EIF4G1: variants seen among roughly 807,000 people sequenced by gnomAD.
The protein encoded by EIF4G1 is eukaryotic translation initiation factor 4 gamma 1, also known as EIF4-gamma.
A neutral mutation model predicts 187.8 loss-of-function variants in EIF4G1; 4 were observed. The observed-to-expected ratio is 0.02, with a 90% CI of 0.01 to 0.05. The LOEUF (loss-of-function observed/expected upper bound fraction) is 0.05. Ranked by LOEUF, EIF4G1 falls within the 10% of genes least tolerant of loss-of-function variation. The pLI is 1.00. For synonymous variants in EIF4G1, 844 were observed against 781.4 expected (o/e 1.08, Z -1.34); for missense variants, 1,647 against 2,081.1 (o/e 0.79, Z 4.06).
In EIF4G1 at chr3:184,322,031, C is replaced by G. The variant is rs777116619; in HGVS notation, c.1447C>G (p.Leu483Val). 21 of 1,614,130 alleles carry G rather than the reference C, an allele frequency of 1.3e-5. No homozygotes were observed. The South Asian group carries it at 2.3e-4, about 18-fold the overall frequency. ...EAESEKGGEE[L>V]LPPESTPIPA... The stretch of plus-strand genomic sequence containing the variant: ...TGAGAGTGAGAAAGGAGGAGAGGAA[C>G]TGCTCCCCCCAGAGAGTACCCCTAT... Residue 483 changes from leucine (L) to valine (V), a missense_variant, in exon 10 of 33, where the codon CTG (leucine) becomes GTG (valine). Leu to Val is a conservative substitution (Grantham distance 32). This residue lies in a region of EIF4G1 where 522 missense variants were observed against 485.2 expected (regional missense o/e 1.08). Transcript: ENST00000346169.
rs754389387 is a variant in EIF4G1, at chr3:184,324,365, A to G, written c.2619+18A>G. ...CTGCTACGGTGAGAGAAAACCCACTATCGATTCCACTCACCACTTACCTCC... is the reference window on the plus strand; with the variant it reads ...CTGCTACGGTGAGAGAAAACCCACTGTCGATTCCACTCACCACTTACCTCC... On this transcript the variant is annotated intron_variant, in intron 17 of 32. Transcript: ENST00000346169. 15 of 1,614,030 alleles carry G rather than the reference A, an allele frequency of 9.3e-6. No homozygotes were observed. Among genetic ancestry groups the G allele is most frequent in the East Asian group, 2.2e-5 (1 of 44,900 alleles).
intron 32 of EIF4G1, among the ~76,000 whole-genome samples, chr3:184,332,949 A>G (rs933611018): frequency 6.6e-6 from 1 of 152,202 alleles, no homozygotes; most frequent in East Asian, 1.9e-4. Context: ...GTGGGATTTT[A>G]AGCAAGGAAT....
At position 184,319,613 on chromosome 3, in the gene EIF4G1, G is replaced by A; in HGVS notation, c.425-76G>A. 3.1e-6 allele frequency: 3 copies of A among 969,580 alleles called. No homozygotes were observed. The South Asian group carries it at 4.1e-5, about 13-fold the overall frequency. 60.1% of individuals were successfully genotyped at this position (969,580 alleles called of 1,614,324 possible). On this transcript the variant is annotated intron_variant, in intron 6 of 32. Transcript: ENST00000346169. ...TGGGTGGTGAGAGGTTTTGGGGTGG[G>A]AGGTGTCAGGCAGGCATTAGTATAT...
At chr3:184,328,040 C>A in intron 26 of EIF4G1, 38 bp downstream of exon 26, 1 of 1,596,120 alleles carries the variant, frequency 6.3e-7, no homozygotes, top group South Asian at 1.1e-5. Context: ...CTTATACAGA[C>A]CCACAATTTT....
At chr3:184,315,959 C>T (rs1722701399) in intron 3 of EIF4G1, 103 bp downstream of exon 3, 1 of 1,508,212 alleles carries the variant, frequency 6.6e-7, no homozygotes, top group Admixed American at 2.1e-5. Context: ...AGTGCAGCCG[C>T]CTGCTGCCAA....
intron 21 of EIF4G1, among the ~76,000 whole-genome samples, 197 bp from the exon 22 acceptor site, chr3:184,326,330 T>G (rs1294576120): frequency 6.6e-6 from 1 of 152,234 alleles, no homozygotes; most frequent in Non-Finnish European, 1.5e-5. Flanking sequence ...AGTCACAGCA[T>G]GCCTTTATCA....
intron 6 of EIF4G1, 99 bp from the exon 7 acceptor site, chr3:184,319,590 G>C: frequency 1.2e-6 from 1 of 801,304 alleles, no homozygotes; most frequent in Non-Finnish European, 2.2e-6. Context: ...GCCGGCTGTG[G>C]GTGGTGAGAG....
chr3:184,320,221 G>A, intron 7 of EIF4G1: 1 of 1,196,120 alleles, frequency 8.4e-7, no homozygotes, highest in Non-Finnish European at 1.1e-6. Context: ...GCCAGAGCTG[G>A]GGAAGCCGCT....
At chr3:184,328,436 A>G (rs1203829950) in intron 26 of EIF4G1, 195 bp from the exon 27 acceptor site, 1 of 790,210 alleles carries the variant, frequency 1.3e-6, no homozygotes, top group African/African-American at 1.7e-5. Flanking sequence ...CATCCTGGTC[A>G]GCATAACTTT....
In EIF4G1 at chr3:184,323,423, C is replaced by T. The variant is rs758438232; in HGVS notation, c.2104C>T (p.Arg702Trp). The T allele has an allele frequency of 5.6e-6, 9 of 1,614,214 alleles. No individual in the cohort carries two copies. Among genetic ancestry groups the T allele is most frequent in the African/African-American group, 2.7e-5 (2 of 75,052 alleles). Reference sequence around the variant, plus strand: ...TGCTTAGCAGGCTGGCCTGGGACCCCGGCGCTCTCAGCAGGGACCCCGAAA... The same window carrying T: ...TGCTTAGCAGGCTGGCCTGGGACCCTGGCGCTCTCAGCAGGGACCCCGAAA... ...LPRGPAGLGP[R>W]RSQQGPRKEP... Residue 702 changes from arginine (R) to tryptophan (W), a missense_variant, in exon 15 of 33, where the codon CGG (arginine) becomes TGG (tryptophan). Arg to Trp is a moderately radical substitution (Grantham distance 101). Around this residue, in one of 11 missense-constraint regions of EIF4G1, gnomAD observed 140 missense variants for 222.2 expected, o/e 0.63. Transcript: ENST00000346169. The surrounding 1 kb of genome is among the most constrained non-coding windows in gnomAD (Gnocchi z 6.9).
intron 32 of EIF4G1, among the ~76,000 whole-genome samples, chr3:184,332,568 C>T (rs1436058069): frequency 1.3e-5 from 2 of 151,744 alleles, no homozygotes; most frequent in African/African-American, 2.4e-5. Flanking sequence ...GAGAGGAAGC[C>T]GAGCAATTTC....
At chr3:184,322,317 A>G (rs749810695) in intron 10 of EIF4G1, 45 bp from the exon 11 acceptor site, 13 of 1,587,808 alleles carry the variant, frequency 8.2e-6, no homozygotes, top group Admixed American at 3.5e-5. Context: ...TACTCCTTAA[A>G]TTATTGGCAA....
rs1371726249 is a variant in EIF4G1 at position 184,315,787 on chromosome 3, A to C, written c.-10A>C. Reference sequence around the variant, plus strand: ...GGTGCTGGGGGGACCCTGATGTGGCACCAAATGAAATGAACAAAGCTCCAC... The same window carrying C: ...GGTGCTGGGGGGACCCTGATGTGGCCCCAAATGAAATGAACAAAGCTCCAC... On this transcript the variant is annotated 5_prime_UTR_variant, in exon 3 of 33. Transcript: ENST00000346169. 6.4e-7 allele frequency: 1 copy of C among 1,551,466 alleles called. No homozygotes were observed. Among genetic ancestry groups the C allele is most frequent in the Non-Finnish European group, 8.7e-7 (1 of 1,146,968 alleles).
Position 184,322,596 on chromosome 3 carries a change from C to G in EIF4G1, c.1661C>G (p.Pro554Arg), listed in dbSNP as rs747771730. The G allele has an allele frequency of 1.9e-6, 3 of 1,614,172 alleles. No individual in the cohort carries two copies. Among genetic ancestry groups the G allele is most frequent in the Admixed American group, 3.3e-5 (2 of 60,000 alleles). The change falls in exon 12 of 33, where the codon CCA becomes CGA. Residue 554 changes from proline (P) to arginine (R), a missense_variant. Transcript: ENST00000346169. ...AATCAGCCTCCTGCAGGCAGCAATC[C>G]AGGCCCAGAGTCTGAGGGCAGTGGT... ...VENQPPAGSN[P>R]GPESEGSGVP...
chr3:184,329,058 A>G, intron 28 of EIF4G1, 68 bp downstream of exon 28: 1 of 1,569,184 alleles, frequency 6.4e-7, no homozygotes, highest in Non-Finnish European at 8.8e-7. Context: ...TGTGGCCCTG[A>G]AGCTTCATGG....
At position 184,324,359 on chromosome 3, in the gene EIF4G1, C is replaced by T. The variant is rs763328344; in HGVS notation, c.2619+12C>T. On this transcript the variant is annotated intron_variant, in intron 17 of 32. Coordinates refer to ENST00000346169, the MANE Select transcript of EIF4G1 (RefSeq NM_198241.3). ...ATGAAGCTGCTACGGTGAGAGAAAA[C>T]CCACTATCGATTCCACTCACCACTT... 1 of 1,614,186 alleles carries T rather than the reference C, an allele frequency of 6.2e-7. No individual in the cohort carries two copies. The highest frequency in any genetic ancestry group is 1.3e-5 in the African/African-American group (1 of 75,056).
chr3:184,324,110 G>C, intron 16 of EIF4G1, 91 bp from the exon 17 acceptor site: 1 of 1,607,930 alleles, frequency 6.2e-7, no homozygotes, highest in South Asian at 1.1e-5. Flanking sequence ...GCTGGGGCCA[G>C]AGATCTTCCT....
At chr3:184,324,747 G>A in intron 17 of EIF4G1, 131 bp from the exon 18 acceptor site, 1 of 984,468 alleles carries the variant, frequency 1.0e-6, no homozygotes, top group Non-Finnish European at 1.6e-6. Context: ...TTACAGGCAT[G>A]AGCCACTATG....
chr3:184,332,437 G>A (rs1438178828), intron 32 of EIF4G1, among the ~76,000 whole-genome samples: 4 of 152,186 alleles, frequency 2.6e-5, no homozygotes, highest in African/African-American at 9.6e-5. Flanking sequence ...CCTCACAAAT[G>A]TTGTTTAGGG....
Sources: gnomAD v4.1 joint callset for allele counts (sites outside exome capture counted in the v4.1 genomes callset) on GRCh38, gnomAD v4.1.1 for gene constraint, gnomAD v4.1.1 regional missense constraint, Gnocchi (gnomAD v3.1) non-coding constraint, MANE v1.5 for transcripts, NCBI Gene and HGNC (gene_info 2026-07-23, HGNC 2026-07-21) for gene names.